Variants in RPS6KB1 observed in about 807,000 individuals in gnomAD.
RPS6KB1 encodes the protein ribosomal protein S6 kinase B1, also known as ribosomal protein S6 kinase beta-1.
RPS6KB1 carries 12 observed loss-of-function variants against 70.2 expected under a neutral mutation model. That is an observed-to-expected ratio of 0.17 (90% confidence interval 0.11 to 0.28). The LOEUF (loss-of-function observed/expected upper bound fraction) is 0.28, where lower values mean the gene tolerates loss of function less well. Ranked by LOEUF, RPS6KB1 falls within the 10% of genes least tolerant of loss-of-function variation. RPS6KB1 has a pLI of 1.00. For synonymous variants in RPS6KB1, 175 were observed against 211.2 expected (o/e 0.83, Z 1.49); for missense variants, 270 against 646.6 (o/e 0.42, Z 6.32).
chr17:59,933,596 G>A (rs2044069353), intron 7 of RPS6KB1, among the ~76,000 whole-genome samples: 1 of 152,186 alleles, frequency 6.6e-6, no homozygotes, highest in Non-Finnish European at 1.5e-5. Context: ...AAGGTGGTAA[G>A]TTTTTTACTT....
chr17:59,945,580 TAAGA>T (rs1420606239), intron 14 of RPS6KB1, 62 bp downstream of exon 14: 8 of 873,842 alleles, frequency 9.2e-6, no homozygotes, highest in Non-Finnish European at 1.5e-5. Context: ...AGTGTTTGCT[TAAGA>T]AGTTTATGCC....
chr17:59,940,082 C>T (rs1401395078), intron 12 of RPS6KB1, among the ~76,000 whole-genome samples: 1 of 152,022 alleles, frequency 6.6e-6, no homozygotes, highest in East Asian at 1.9e-4. Context: ...TTAACTGGAG[C>T]ATCTTACCAG....
At chr17:59,924,420 C>T (rs2043471483) in intron 4 of RPS6KB1, among the ~76,000 whole-genome samples, 1 of 152,012 alleles carries the variant, frequency 6.6e-6, no homozygotes, top group African/African-American at 2.4e-5. Context: ...TTTGTGTATT[C>T]CTATTGTATT....
chr17:59,906,060 C>T (rs1182888310), intron 1 of RPS6KB1, among the ~76,000 whole-genome samples: 1 of 152,118 alleles, frequency 6.6e-6, no homozygotes, highest in East Asian at 1.9e-4. Flanking sequence ...GTCCTAGCAT[C>T]ATTATTTGAT....
At chr17:59,924,063 G>T (rs545115554) in intron 4 of RPS6KB1, among the ~76,000 whole-genome samples, 132 of 149,140 alleles carry the variant, frequency 8.9e-4, no homozygotes, top group African/African-American at 3.1e-3. Context: ...GCTGGGTGCA[G>T]TGGCTCACAC....
At chr17:59,932,256 A>G (rs1342093114) in intron 7 of RPS6KB1, among the ~76,000 whole-genome samples, 7 of 151,872 alleles carry the variant, frequency 4.6e-5, no homozygotes, top group Non-Finnish European at 8.8e-5. Context: ...ACAAAAAAAA[A>G]AAAAAATTAG....
At chr17:59,942,049 G>A (rs1310992591) in intron 13 of RPS6KB1, among the ~76,000 whole-genome samples, 1 of 151,982 alleles carries the variant, frequency 6.6e-6, no homozygotes, top group African/African-American at 2.4e-5. Flanking sequence ...TAGTAGAGAC[G>A]GGGTTTCATC....
intron 4 of RPS6KB1, among the ~76,000 whole-genome samples, chr17:59,920,220 G>A (rs940095008): frequency 2.6e-5 from 4 of 151,964 alleles, no homozygotes; most frequent in African/African-American, 9.7e-5. Context: ...GCTTTGCCAT[G>A]TTGGCCAGGC....
intron 1 of RPS6KB1, among the ~76,000 whole-genome samples, chr17:59,909,254 T>G (rs2042473631): frequency 6.4e-5 from 1 of 15,618 alleles, no homozygotes; most frequent in Non-Finnish European, 1.3e-4. Flanking sequence ...TTTTTTTTTT[T>G]TTTTTTTTTT....
chr17:59,933,350 G>C (rs1302380604), intron 7 of RPS6KB1, among the ~76,000 whole-genome samples: 1 of 152,136 alleles, frequency 6.6e-6, no homozygotes, highest in African/African-American at 2.4e-5. Flanking sequence ...ATAGGGGAGC[G>C]ATAGAATAGT....
At position 59,946,887 on chromosome 17, in the gene RPS6KB1, A is replaced by C; in HGVS notation, c.*99A>C. On this transcript the variant is annotated 3_prime_UTR_variant, in exon 15 of 15. Transcript: ENST00000225577. The surrounding 1 kb of genome is among the most constrained non-coding windows in gnomAD (Gnocchi z 4.2). ...ACGACTCAAAATGACAGTTTCAGAG[A>C]GTCAATGTCATTACATAGAACACTT... 1.3e-6 allele frequency: 2 copies of C among 1,571,880 alleles called. No homozygotes were observed. Among genetic ancestry groups the C allele is most frequent in the Admixed American group, 3.5e-5 (2 of 56,670 alleles).
intron 1 of RPS6KB1, among the ~76,000 whole-genome samples, chr17:59,894,667 C>T (rs1019471318): frequency 2.0e-5 from 3 of 152,166 alleles, no homozygotes; most frequent in African/African-American, 7.2e-5. Flanking sequence ...TGCAATGGTG[C>T]GATCTCAGCT....
At chr17:59,904,442 G>A (rs2042144478) in intron 1 of RPS6KB1, among the ~76,000 whole-genome samples, 1 of 151,504 alleles carries the variant, frequency 6.6e-6, no homozygotes, top group African/African-American at 2.4e-5. Flanking sequence ...TGCCCAGGCT[G>A]GAGTGCAGTG....
In RPS6KB1 at chr17:59,947,663, G is replaced by A. The variant is rs2045006711; in HGVS notation, c.*875G>A. 1.5e-5 allele frequency: 15 copies of A among 969,564 alleles called. No homozygotes were observed. Among genetic ancestry groups the A allele is most frequent in the Admixed American group, 2.1e-5 (1 of 48,178 alleles). The allele number at this position is 969,564 out of a possible 1,614,324, so 60.1% of individuals were successfully genotyped here. ...ATGTCCTACATTTCATCATTGTCCC[G>A]GGCCTGCATTGCACTGGAAAAAAAA... On this transcript the variant is annotated 3_prime_UTR_variant, in exon 15 of 15. Transcript: ENST00000225577.
intron 1 of RPS6KB1, among the ~76,000 whole-genome samples, chr17:59,903,627 C>T (rs2042092564): frequency 6.6e-6 from 1 of 152,108 alleles, no homozygotes; most frequent in Admixed American, 6.6e-5. Context: ...AAGAGACGAA[C>T]TTTTCCAACA....
intron 1 of RPS6KB1, among the ~76,000 whole-genome samples, chr17:59,897,638 G>C (rs1280608043): frequency 6.6e-6 from 1 of 152,064 alleles, no homozygotes; most frequent in Non-Finnish European, 1.5e-5. Flanking sequence ...TACATTTATG[G>C]ACAAAGTTGA....
chr17:59,927,000 T>C (rs1050488408), intron 5 of RPS6KB1, among the ~76,000 whole-genome samples: 1 of 152,220 alleles, frequency 6.6e-6, no homozygotes, highest in Admixed American at 6.5e-5. Context: ...ATGTAGCTTA[T>C]AATGGAAATC....
At position 59,893,734 on chromosome 17, in the gene RPS6KB1, A is replaced by G; in HGVS notation, c.141+409A>G. On this transcript the variant is annotated intron_variant, in intron 1 of 14. Coordinates refer to ENST00000225577, the MANE Select transcript of RPS6KB1 (RefSeq NM_003161.4). This position sits in a 1 kb window ranked among gnomAD's most constrained non-coding sequence, Gnocchi z 4.1. Reference sequence around the variant, plus strand: ...GTTTCCCTTCGAGTCTAGAATTTCAAGTATTGAATCTTCAGACCTCCCACA... The same window carrying G: ...GTTTCCCTTCGAGTCTAGAATTTCAGGTATTGAATCTTCAGACCTCCCACA... 9 of 985,536 alleles carry G rather than the reference A, an allele frequency of 9.1e-6. No individual in the cohort carries two copies. The highest frequency in any genetic ancestry group is 1.1e-5 in the Non-Finnish European group (9 of 825,406). 61.0% of individuals were successfully genotyped at this position (985,536 alleles called of 1,614,324 possible).
At chr17:59,896,256 C>T (rs1342971792) in intron 1 of RPS6KB1, among the ~76,000 whole-genome samples, 1 of 151,604 alleles carries the variant, frequency 6.6e-6, no homozygotes, top group East Asian at 1.9e-4. Flanking sequence ...TGCAATGGCG[C>T]TATCTCGGCT....
Sources: gnomAD v4.1 joint callset for allele counts (sites outside exome capture counted in the v4.1 genomes callset) on GRCh38, gnomAD v4.1.1 for gene constraint, Gnocchi (gnomAD v3.1) non-coding constraint, MANE v1.5 for transcripts, NCBI Gene and HGNC (gene_info 2026-07-23, HGNC 2026-07-21) for gene names.